The following RARB variants were observed in gnomAD, a reference collection of about 807,000 sequenced individuals.
The protein encoded by RARB is retinoic acid receptor beta, also known as HBV-activated protein.
RARB carries 17 observed loss-of-function variants against 51.9 expected under a neutral mutation model. The ratio of observed to expected loss-of-function variants is 0.33; its 90% confidence interval spans 0.22 to 0.49. The LOEUF (loss-of-function observed/expected upper bound fraction) is 0.49. Ranked by LOEUF, RARB falls within the 20% of genes least tolerant of loss-of-function variation. The pLI, the probability that RARB is intolerant of heterozygous loss-of-function variation, is 0.99. For synonymous variants in RARB, 215 were observed against 195.4 expected (o/e 1.10, Z -0.84); for missense variants, 369 against 550.8 (o/e 0.67, Z 3.30).
At chr3:25,387,047 A>G (rs1246180349) in intron 5 of RARB, among the ~76,000 whole-genome samples, 2 of 152,204 alleles carry the variant, frequency 1.3e-5, no homozygotes, top group Non-Finnish European at 2.9e-5. Context: ...ATTTAAGACC[A>G]GTTCTGCCAG....
At position 24,949,061 on chromosome 3, in the gene RARB, C is replaced by G. The variant is rs1209840875; in HGVS notation, c.-380+90309C>G. Among the ~76,000 whole-genome samples, 4 of 152,180 alleles carry G rather than the reference C, an allele frequency of 2.6e-5. No homozygotes were observed. In the South Asian group the frequency reaches 8.3e-4, roughly 32 times the overall value. ...GCAAGGTCAAAGGACATATTCTGTTCCTGCTGAAAGACCTGGGTCTTCTCA... is the reference window on the plus strand; with the variant it reads ...GCAAGGTCAAAGGACATATTCTGTTGCTGCTGAAAGACCTGGGTCTTCTCA... On this transcript the variant is annotated intron_variant, in intron 2 of 11. Coordinates refer to the RARB transcript ENST00000383772.
intron 3 of RARB, among the ~76,000 whole-genome samples, chr3:25,062,807 C>A (rs1698577250): frequency 6.6e-6 from 1 of 151,890 alleles, no homozygotes; most frequent in East Asian, 1.9e-4. Flanking sequence ...TATAGGATTT[C>A]TTTTTGGGAA....
intron 5 of RARB, among the ~76,000 whole-genome samples, chr3:25,369,209 CAATA>C (rs1706226105): frequency 6.6e-6 from 1 of 152,254 alleles, no homozygotes; most frequent in East Asian, 1.9e-4. Context: ...TTCATTAACT[CAATA>C]AATAAGTATT....
intron 5 of RARB, among the ~76,000 whole-genome samples, chr3:25,261,378 C>A (rs1355427460): frequency 4.6e-5 from 7 of 152,102 alleles, no homozygotes; most frequent in Non-Finnish European, 1.0e-4. Context: ...GTTTTCTGCT[C>A]ATTTCTCACC....
chr3:24,886,493 G>A (rs1296126517), intron 2 of RARB, among the ~76,000 whole-genome samples: 1 of 148,788 alleles, frequency 6.7e-6, no homozygotes, highest in Non-Finnish European at 1.5e-5. Context: ...CACCTGGGAT[G>A]ATATGCAGTG....
intron 2 of RARB, among the ~76,000 whole-genome samples, chr3:25,033,329 C>T (rs774025350): frequency 6.6e-6 from 1 of 152,140 alleles, no homozygotes; most frequent in Non-Finnish European, 1.5e-5. Context: ...TAGTCAAGGT[C>T]TCAGAATAAA....
At chr3:25,021,451 C>T (rs1006611839) in intron 2 of RARB, among the ~76,000 whole-genome samples, 4 of 151,844 alleles carry the variant, frequency 2.6e-5, no homozygotes, top group Admixed American at 6.6e-5. Context: ...CCTTAAAAGC[C>T]GTAAACTCAC....
intron 5 of RARB, among the ~76,000 whole-genome samples, chr3:25,371,152 C>T (rs753900554): frequency 2.6e-5 from 4 of 152,178 alleles, no homozygotes; most frequent in Non-Finnish European, 4.4e-5. Context: ...AACTTAACCC[C>T]TAATGCAACA....
chr3:25,405,839 A>G (rs1023772796), intron 5 of RARB, among the ~76,000 whole-genome samples: 7 of 152,150 alleles, frequency 4.6e-5, no homozygotes, highest in Admixed American at 3.3e-4. Flanking sequence ...TATCTTGGTC[A>G]AGGGGTTTCA....
chr3:25,307,562 A>G (rs1704183611), intron 5 of RARB, among the ~76,000 whole-genome samples: 1 of 152,128 alleles, frequency 6.6e-6, no homozygotes, highest in South Asian at 2.1e-4. Context: ...TTATGCAAAA[A>G]CATCTTCATT....
At chr3:25,052,450 C>T (rs1022654953) in intron 2 of RARB, among the ~76,000 whole-genome samples, 1 of 152,074 alleles carries the variant, frequency 6.6e-6, no homozygotes, top group Non-Finnish European at 1.5e-5. Context: ...GTAAGTAAAT[C>T]CCATGCAATA....
chr3:25,426,558 G>A (rs372267696), upstream of RARB, among the ~76,000 whole-genome samples: 7 of 152,232 alleles, frequency 4.6e-5, no homozygotes, highest in South Asian at 6.2e-4. Flanking sequence ...TAAAAGGCCC[G>A]GATGCCAATG....
At chr3:25,322,599 T>C (rs1181400348) in intron 5 of RARB, among the ~76,000 whole-genome samples, 1 of 152,212 alleles carries the variant, frequency 6.6e-6, no homozygotes, top group African/African-American at 2.4e-5. Flanking sequence ...TTACTATGAC[T>C]TTGGGACAAT....
rs188723277 is a variant in RARB at position 25,184,772 on chromosome 3, C to T, written c.178+10197C>T. Among the ~76,000 whole-genome samples, 511 of 152,154 alleles carry T rather than the reference C, an allele frequency of 3.4e-3. 9 individuals carry two copies. Among genetic ancestry groups the T allele is most frequent in the Non-Finnish European group, 5.4e-4 (37 of 67,988 alleles). On this transcript the variant is annotated intron_variant, in intron 5 of 11. Coordinates refer to the RARB transcript ENST00000383772. The stretch of plus-strand genomic sequence containing the variant: ...CTAAGTATGGTGGCTCACACCTATA[C>T]TCCCAGCGCTTTGCGGGACTGAGTC...
intron 3 of RARB, among the ~76,000 whole-genome samples, chr3:25,558,678 G>T (rs1700154582): frequency 6.6e-6 from 1 of 151,862 alleles, no homozygotes; most frequent in Admixed American, 6.6e-5. Context: ...CCATTGCTCT[G>T]ACAGCCTCTG....
intron 2 of RARB, among the ~76,000 whole-genome samples, chr3:24,923,651 G>T (rs184734001): frequency 5.9e-5 from 9 of 152,238 alleles, no homozygotes; most frequent in African/African-American, 1.9e-4. Flanking sequence ...TTAGGGCAAG[G>T]TATAAGAATT....
intron 5 of RARB, among the ~76,000 whole-genome samples, chr3:25,393,124 T>A (rs1283655526): frequency 6.6e-6 from 1 of 152,156 alleles, no homozygotes; most frequent in African/African-American, 2.4e-5. Flanking sequence ...TCAAATGCTT[T>A]TTTCTGTGTC....
intron 5 of RARB, among the ~76,000 whole-genome samples, chr3:25,248,867 CT>C (rs1413994273): frequency 4.6e-5 from 7 of 152,072 alleles, no homozygotes; most frequent in African/African-American, 1.7e-4. Flanking sequence ...TGTTTGAATT[CT>C]CTTTGTCTTT....
intron 5 of RARB, among the ~76,000 whole-genome samples, chr3:25,307,876 C>T (rs1166546217): frequency 6.6e-6 from 1 of 152,194 alleles, no homozygotes; most frequent in Non-Finnish European, 1.5e-5. Flanking sequence ...TTTATTGGAA[C>T]ACAATCATGT....
Sources: allele counts gnomAD v4.1 joint callset (sites outside exome capture counted in the v4.1 genomes callset), GRCh38; gene constraint gnomAD v4.1.1; transcripts MANE v1.5; gene names NCBI Gene and HGNC (gene_info 2026-07-23, HGNC 2026-07-21).